Variants in KCNIP4 observed in about 807,000 individuals in gnomAD.
The protein encoded by KCNIP4 is Kv channel-interacting protein 4.
A neutral mutation model predicts 34.0 loss-of-function variants in KCNIP4; 12 were observed. The ratio of observed to expected loss-of-function variants is 0.35; its 90% CI spans 0.23 to 0.57. KCNIP4 has a LOEUF of 0.57. Ranked by LOEUF, KCNIP4 falls within the 20% of genes least tolerant of loss-of-function variation. The pLI, the probability that KCNIP4 is intolerant of heterozygous loss-of-function variation, is 0.83. For synonymous variants in KCNIP4, 124 were observed against 102.2 expected, an observed-to-expected ratio of 1.21 and a Z score of -1.29; for missense variants, 238 against 311.7, an observed-to-expected ratio of 0.76 and a Z score of 1.78.
At chr4:20,732,185 GA>G (rs1748457640) in intron 7 of KCNIP4, 117 bp from the exon 8 acceptor site, 1 of 706,728 alleles carries the variant, frequency 1.4e-6, no homozygotes, top group Non-Finnish European at 2.4e-6. Context: ...ATTTCACGTG[GA>G]GGAACTGTTT....
chr4:21,395,878 A>C (rs1034573872), intron 1 of KCNIP4, among the ~76,000 whole-genome samples: 4 of 152,154 alleles, frequency 2.6e-5, no homozygotes, highest in African/African-American at 9.6e-5. Flanking sequence ...GGTTTAAATG[A>C]GATTTATTCA....
At chr4:21,510,078 CAAAAAAAAAAAA>C (rs759477091) in intron 1 of KCNIP4, among the ~76,000 whole-genome samples, 2 of 65,222 alleles carry the variant, frequency 3.1e-5, no homozygotes, top group Admixed American at 3.5e-4. Flanking sequence ...ACTCCATCTC[CAAAAAAAAAAAA>C]AAAAAAAAAA....
intron 1 of KCNIP4, among the ~76,000 whole-genome samples, chr4:21,222,750 T>C (rs891350439): frequency 6.6e-6 from 1 of 152,360 alleles, no homozygotes; most frequent in Non-Finnish European, 1.5e-5. Context: ...ATGTTTGTTT[T>C]TGCTTTGTAG....
chr4:21,016,445 G>A (rs1434532765), intron 1 of KCNIP4, among the ~76,000 whole-genome samples: 2 of 151,210 alleles, frequency 1.3e-5, no homozygotes, highest in Non-Finnish European at 1.5e-5. Context: ...ACAGGTGCCC[G>A]CCACCACGCC....
At chr4:21,042,443 C>G (rs1416047518) in intron 1 of KCNIP4, among the ~76,000 whole-genome samples, 2 of 152,080 alleles carry the variant, frequency 1.3e-5, no homozygotes, top group Non-Finnish European at 1.5e-5. Context: ...CACAGAAAGA[C>G]AAATGTATGA....
intron 1 of KCNIP4, among the ~76,000 whole-genome samples, chr4:21,219,456 G>A (rs1484968652): frequency 6.6e-6 from 1 of 152,138 alleles, no homozygotes; most frequent in East Asian, 1.9e-4. Context: ...AGAAGATTTG[G>A]TTAATTATAT....
intron 1 of KCNIP4, among the ~76,000 whole-genome samples, chr4:21,764,820 C>T (rs776394414): frequency 7.2e-5 from 11 of 152,104 alleles, no homozygotes; most frequent in Non-Finnish European, 1.6e-4. Flanking sequence ...CTCAGGCCTC[C>T]TCCAACCCCC....
intron 1 of KCNIP4, among the ~76,000 whole-genome samples, chr4:21,519,750 T>TGTGTGTATGTATGTGTATGTATACACAC (rs1735320539): frequency 1.5e-5 from 2 of 137,498 alleles, no homozygotes; most frequent in African/African-American, 5.8e-5. Context: ...GATACACACG[T>TGTGTGTATGTATGTGTATGTATACACAC]GTGTGTATGT....
chr4:21,874,716 A>C (rs1726003386), intron 1 of KCNIP4, among the ~76,000 whole-genome samples: 1 of 152,014 alleles, frequency 6.6e-6, no homozygotes, highest in Admixed American at 6.6e-5. Flanking sequence ...CTCTCACTTA[A>C]CCTCTCTTCA....
At chr4:21,861,856 G>T (rs1018494674) in intron 1 of KCNIP4, among the ~76,000 whole-genome samples, 1 of 152,080 alleles carries the variant, frequency 6.6e-6, no homozygotes, top group African/African-American at 2.4e-5. Flanking sequence ...TTCTGCTCAA[G>T]AAGTCTTTAT....
intron 1 of KCNIP4, among the ~76,000 whole-genome samples, chr4:21,018,566 A>T (rs1577543772): frequency 6.6e-6 from 1 of 152,114 alleles, no homozygotes; most frequent in South Asian, 2.1e-4. Context: ...CTCATAGCCA[A>T]CTTTGGTTTC....
intron 1 of KCNIP4, among the ~76,000 whole-genome samples, chr4:20,963,348 C>CAAAA (rs1560605087): frequency 6.6e-6 from 1 of 150,632 alleles, no homozygotes; most frequent in Non-Finnish European, 1.5e-5. Context: ...AAAAAAACAA[C>CAAAA]AAAAAAAGAA....
chr4:20,735,523 T>G (rs528840369), intron 5 of KCNIP4, among the ~76,000 whole-genome samples: 1 of 123,752 alleles, frequency 8.1e-6, no homozygotes, highest in South Asian at 2.8e-4. Context: ...TTAGTGTTTT[T>G]TTTTTTGTTT....
chr4:20,792,512 T>C (rs547333966), intron 3 of KCNIP4, among the ~76,000 whole-genome samples: 1 of 152,040 alleles, frequency 6.6e-6, no homozygotes, highest in South Asian at 2.1e-4. Flanking sequence ...ATTGTCAGAC[T>C]GATAAAAAGC....
rs755996521 is a variant in KCNIP4, at chr4:20,749,706, A to G, written c.385T>C (p.Phe129Leu). 1 of 1,609,532 alleles carries G rather than the reference A, an allele frequency of 6.2e-7. No individual in the cohort carries two copies. The highest frequency in any genetic ancestry group is 8.5e-7 in the Non-Finnish European group (1 of 1,176,810). Residue 129 changes from phenylalanine (F) to leucine (L), a missense_variant, in exon 5 of 9, where the codon TTC becomes CTC. Physicochemically the swap from Phe to Leu is conservative, Grantham distance 22 (BLOSUM62 0). Coordinates refer to ENST00000382152, the MANE Select transcript of KCNIP4 (RefSeq NM_025221.6). Reference protein sequence around the residue: ...GDSTTYAHFLFNAFDTDHNGA... With the variant: ...GDSTTYAHFLLNAFDTDHNGA... ...TTGTGGTCTGTATCAAATGCATTGA[A>G]CAGAAAATGTGCATATGTTGTAGAG...
rs1407329626 is a variant in KCNIP4, at chr4:21,668,800, A to G, written c.61+279771T>C. Among the ~76,000 whole-genome samples the G allele has an allele frequency of 2.0e-5, 3 of 149,668 alleles. No homozygotes were observed. The Admixed American group carries it at 2.1e-4, about 10-fold the overall frequency. On this transcript the variant is annotated intron_variant, in intron 1 of 8. Coordinates refer to ENST00000382152, the MANE Select transcript of KCNIP4 (RefSeq NM_025221.6). ...AATACAATTTACTTATAATTTATAA[A>G]TAAATAAACACAGTGAGAAGTATAT...
In KCNIP4 at chr4:20,730,066, G is replaced by A; in HGVS notation, c.*16C>T. On this transcript the variant is annotated 3_prime_UTR_variant, in exon 9 of 9. Transcript: ENST00000382152. ...AGTTCACATTTGTCTGTTGGATTCA[G>A]GATCTATTTGACAAGTTAAATCACA... The A allele has an allele frequency of 1.2e-6, 2 of 1,604,998 alleles. No individual in the cohort carries two copies. The highest frequency in any genetic ancestry group is 1.7e-6 in the Non-Finnish European group (2 of 1,176,930).
At position 21,341,787 on chromosome 4, in the gene KCNIP4, T is replaced by C. The variant is rs114091595; in HGVS notation, c.62-459078A>G. Among the ~76,000 whole-genome samples, 770 of 152,286 alleles carry C rather than the reference T, an allele frequency of 5.1e-3. 5 individuals carry two copies. Among genetic ancestry groups the C allele is most frequent in the African/African-American group, 0.017 (720 of 41,574 alleles). On this transcript the variant is annotated intron_variant, in intron 1 of 8. Coordinates refer to ENST00000382152, the MANE Select transcript of KCNIP4 (RefSeq NM_025221.6). Reference sequence around the variant, plus strand: ...GGGCTTGTTTACAAACTACAAATGCTTTGTGGTTTCTGCTATCACCACAGT... The same window carrying C: ...GGGCTTGTTTACAAACTACAAATGCCTTGTGGTTTCTGCTATCACCACAGT...
chr4:21,326,458 T>G (rs1416765876), intron 1 of KCNIP4, among the ~76,000 whole-genome samples: 1 of 132,056 alleles, frequency 7.6e-6, no homozygotes, highest in African/African-American at 3.1e-5. Context: ...AAACATCTTT[T>G]TTCGTACCTT....
Sources: allele counts gnomAD v4.1 joint callset (sites outside exome capture counted in the v4.1 genomes callset), GRCh38; gene constraint gnomAD v4.1.1; transcripts MANE v1.5; gene names NCBI Gene and HGNC (gene_info 2026-07-23, HGNC 2026-07-21).